TATDN3: variants seen among roughly 807,000 people sequenced by gnomAD.
The protein encoded by TATDN3 is TatD DNase domain containing 3, also known as deoxyribonuclease TATDN3.
Under a neutral mutation model 40.1 loss-of-function variants are expected in TATDN3, and 29 were observed. The observed-to-expected ratio is 0.72, with a 90% confidence interval of 0.54 to 0.99. The LOEUF (loss-of-function observed/expected upper bound fraction) is 0.99. Ranked by LOEUF, TATDN3 falls within the 50% of genes least tolerant of loss-of-function variation. The probability of loss-of-function intolerance (pLI) is 0.00; values close to 1 mark genes in which losing one functional copy is unlikely to be tolerated. For missense variants in TATDN3, 309 were observed against 321.9 expected (o/e 0.96, Z 0.31); for synonymous variants, 105 against 117.0 (o/e 0.90, Z 0.66).
intron 4 of TATDN3, among the ~76,000 whole-genome samples, chr1:212,800,700 T>C (rs1033533055): frequency 6.6e-6 from 1 of 152,116 alleles, no homozygotes; most frequent in Non-Finnish European, 1.5e-5. Flanking sequence ...TTGTCCCTTC[T>C]TCCTTTCTTC....
chr1:212,796,404 T>C, intron 2 of TATDN3, 113 bp from the exon 3 acceptor site: 1 of 745,238 alleles, frequency 1.3e-6, no homozygotes, highest in Non-Finnish European at 2.0e-6. Context: ...CTGATTGTAT[T>C]GATGAAGCAT....
chr1:212,809,119 G>A (rs1662710381), intron 8 of TATDN3, among the ~76,000 whole-genome samples: 1 of 152,136 alleles, frequency 6.6e-6, no homozygotes, highest in Non-Finnish European at 1.5e-5. Context: ...GCAACCAGAC[G>A]AAAAACCACA....
At chr1:212,809,649 C>T (rs1361575545) in intron 8 of TATDN3, among the ~76,000 whole-genome samples, 1 of 150,578 alleles carries the variant, frequency 6.6e-6, no homozygotes, top group Non-Finnish European at 1.5e-5. Context: ...CGCGCCACTG[C>T]ACTCCAGCCT....
At chr1:212,809,334 C>G (rs570590689) in intron 8 of TATDN3, among the ~76,000 whole-genome samples, 1 of 152,276 alleles carries the variant, frequency 6.6e-6, no homozygotes, top group South Asian at 2.1e-4. Flanking sequence ...GCAAAAAACA[C>G]TGGATTGTGT....
chr1:212,797,784 C>T (rs1661881215), intron 4 of TATDN3: 1 of 152,246 alleles, frequency 6.6e-6, no homozygotes, highest in African/African-American at 2.4e-5. Context: ...GAACATAGAA[C>T]CATTGTTACA....
intron 1 of TATDN3, chr1:212,794,834 G>T (rs1462929710): frequency 1.7e-6 from 1 of 600,204 alleles, no homozygotes; most frequent in South Asian, 1.5e-5. Context: ...TGCTGCTGAG[G>T]AGTAGAGTAA....
At chr1:212,803,158 AT>A (rs34876600) in intron 5 of TATDN3, among the ~76,000 whole-genome samples, 555 of 141,720 alleles carry the variant, frequency 3.9e-3, no homozygotes, top group East Asian at 7.9e-3. Flanking sequence ...ATAATTGTGA[AT>A]TTTTTTTTTT....
At chr1:212,808,720 C>T (rs1662687758) in intron 8 of TATDN3, among the ~76,000 whole-genome samples, 1 of 152,092 alleles carries the variant, frequency 6.6e-6, no homozygotes, top group South Asian at 2.1e-4. Context: ...GACGCTCAAC[C>T]TCATTAGCCA....
rs371585280 is a variant in TATDN3, at chr1:212,794,370, C to G, written c.67-725C>G. On this transcript the variant is annotated intron_variant, in intron 1 of 9. Coordinates refer to ENST00000366974, the MANE Select transcript of TATDN3 (RefSeq NM_001042552.3). ...CTTTGGGAGGCCAAGGTGGGTGGGTCACCTGAGATCAGGAGTTAAAGACCA... is the reference window on the plus strand; with the variant it reads ...CTTTGGGAGGCCAAGGTGGGTGGGTGACCTGAGATCAGGAGTTAAAGACCA... 2.2e-4 allele frequency among the ~76,000 whole-genome samples: 34 copies of G among 152,024 alleles called. No homozygotes were observed. In the South Asian group the frequency reaches 7.1e-3, roughly 32 times the overall value.
In TATDN3 at chr1:212,796,500, CTT is replaced by C. The variant is rs11421046; in HGVS notation, c.100-5_100-4del. 7.9e-4 allele frequency: 1,038 copies of C among 1,315,052 alleles called. No individual in the cohort carries two copies. Among genetic ancestry groups the C allele is most frequent in the South Asian group, 2.0e-3 (116 of 59,102 alleles). 81.5% of individuals were successfully genotyped at this position (1,315,052 alleles called of 1,614,324 possible). A position where few individuals can be genotyped will look rare whatever the true frequency, so the allele number is the denominator to read the frequency against. ...AATGTATATTGTTTGTAACTTTATTCTTTTTTTTTTTTTCAGGCCAATGTTGT... is the reference window on the plus strand; with the variant it reads ...AATGTATATTGTTTGTAACTTTATTCTTTTTTTTTTTCAGGCCAATGTTGT... On this transcript the variant is annotated splice_polypyrimidine_tract_variant and intron_variant, in intron 2 of 9. Coordinates refer to ENST00000366974, the MANE Select transcript of TATDN3 (RefSeq NM_001042552.3).
chr1:212,791,941 G>A lies in TATDN3; in HGVS notation c.20G>A (p.Gly7Asp). 1.2e-6 allele frequency: 2 copies of A among 1,613,752 alleles called. No individual in the cohort carries two copies. Among genetic ancestry groups the A allele is most frequent in the Non-Finnish European group, 1.7e-6 (2 of 1,179,908 alleles). Residue 7 changes from glycine to aspartate, a missense_variant, in exon 1 of 10, where the codon GGC becomes GAC. By Grantham distance (94) the Gly-to-Asp change is moderately conservative. Coordinates refer to ENST00000366974, the MANE Select transcript of TATDN3 (RefSeq NM_001042552.3). ...GGCGCAATGCGAGCGGCTGGCGTAG[G>A]CTTGGTGGACTGTCACTGCCACCTC... MRAAGV[G>D]LVDCHCHLSA...
intron 7 of TATDN3, among the ~76,000 whole-genome samples, chr1:212,806,582 G>T (rs1049818608): frequency 1.3e-5 from 2 of 149,954 alleles, no homozygotes; most frequent in African/African-American, 2.4e-5. Context: ...TCACCATGTT[G>T]CCCAGGCTGG....
intron 8 of TATDN3, among the ~76,000 whole-genome samples, chr1:212,809,600 C>T (rs1379708143): frequency 6.6e-6 from 1 of 151,626 alleles, no homozygotes; most frequent in East Asian, 1.9e-4. Context: ...AGGAGAATGG[C>T]GTGAACCCGG....
In TATDN3 at chr1:212,795,855, G is replaced by A. The variant is rs555365446; in HGVS notation, c.100-662G>A. Among the ~76,000 whole-genome samples the A allele has an allele frequency of 1.8e-4, 27 of 152,256 alleles. No homozygotes were observed. The South Asian group carries it at 1.9e-3, about 11-fold the overall frequency. On this transcript the variant is annotated intron_variant, in intron 2 of 9. Coordinates refer to ENST00000366974, the MANE Select transcript of TATDN3 (RefSeq NM_001042552.3). ...ATCATTCCCCATTTTTATAGATGAG[G>A]AATCTAAGGCCTAGAGATGAGTAAC...
intron 8 of TATDN3, among the ~76,000 whole-genome samples, chr1:212,811,423 C>T (rs1396264930): frequency 1.3e-5 from 2 of 151,808 alleles, no homozygotes; most frequent in Non-Finnish European, 1.5e-5. Context: ...GCCACCACCC[C>T]GGCTTAATTT....
At chr1:212,810,977 A>G (rs1168141218) in intron 8 of TATDN3, among the ~76,000 whole-genome samples, 1 of 152,064 alleles carries the variant, frequency 6.6e-6, no homozygotes, top group African/African-American at 2.4e-5. Context: ...TCCAGTTAGC[A>G]TTTATCAATT....
chr1:212,808,752 G>T (rs1417569710), intron 8 of TATDN3, among the ~76,000 whole-genome samples: 1 of 152,038 alleles, frequency 6.6e-6, no homozygotes, highest in African/African-American at 2.4e-5. Context: ...GAAATCAAAG[G>T]TACAGTGAGA....
intron 5 of TATDN3, among the ~76,000 whole-genome samples, chr1:212,803,128 CTT>C (rs1662263112): frequency 6.7e-6 from 1 of 149,984 alleles, no homozygotes; most frequent in Admixed American, 6.7e-5. Context: ...AATTAAAGAA[CTT>C]TTTTATTTAA....
In TATDN3 at chr1:212,806,829, T is replaced by TATATATACATATATACAC. The variant is rs1553257554; in HGVS notation, c.488-894_488-877dup. ...ATACACATATATACACATATATACA[T>TATATATACATATATACAC]ATATATACATATATACACATATATA... On this transcript the variant is annotated intron_variant, in intron 7 of 9. Coordinates refer to ENST00000366974, the MANE Select transcript of TATDN3 (RefSeq NM_001042552.3). Among the ~76,000 whole-genome samples, 137 of 56,350 alleles carry TATATATACATATATACAC rather than the reference T, an allele frequency of 2.4e-3. 13 individuals carry two copies. Among genetic ancestry groups the TATATATACATATATACAC allele is most frequent in the Non-Finnish European group, 4.6e-3 (108 of 23,524 alleles). The allele number at this position is 56,350 out of a possible 152,430, so 37.0% of individuals were successfully genotyped here. A position where few individuals can be genotyped will look rare whatever the true frequency, so the allele number is the denominator to read the frequency against.
Sources: gnomAD v4.1 joint callset for allele counts (sites outside exome capture counted in the v4.1 genomes callset) on GRCh38, gnomAD v4.1.1 for gene constraint, MANE v1.5 for transcripts, NCBI Gene and HGNC (gene_info 2026-07-23, HGNC 2026-07-21) for gene names.